Variants in TLR9 observed in about 807,000 individuals in gnomAD.
TLR9 encodes the protein toll-like receptor 9.
In TLR9, 19 loss-of-function variants were observed where a neutral mutation model predicts 24.6. That is an observed-to-expected ratio of 0.77 (90% CI 0.54 to 1.13). The LOEUF (loss-of-function observed/expected upper bound fraction) is 1.13. TLR9 is among the 50% of genes most tolerant of loss of function. The pLI is 0.00. For missense variants in TLR9, 1,065 were observed against 1,379.6 expected, an observed-to-expected ratio of 0.77 and a Z score of 3.61; for synonymous variants, 579 against 609.8, an observed-to-expected ratio of 0.95 and a Z score of 0.74.
chr3:52,222,198 C>G lies in TLR9; in HGVS notation c.2118G>C (p.Leu706=), dbSNP rs1400646599. Residue 706 remains leucine, a synonymous_variant, in exon 2 of 2, where the codon CTG becomes CTC. Transcript: ENST00000360658. ...SLPAGTRLRR[L]DVSCNSISFV... is the part of the protein sequence containing the mutation. ...AGCTGATGCTGTTGCAGCTGACATC[C>G]AGCCTCCGGAGCCGGGTGCCAGCAG... is the stretch of plus-strand genomic sequence containing the variant. 1.2e-6 allele frequency: 2 copies of G among 1,614,082 alleles called. No individual in the cohort carries two copies. The highest frequency in any genetic ancestry group is 3.3e-5 in the Admixed American group (2 of 60,024).
chr3:52,225,338 C>T (rs559700624), intron 1 of TLR9, among the ~76,000 whole-genome samples, 189 bp downstream of exon 1: 7 of 148,516 alleles, frequency 4.7e-5, no homozygotes, highest in South Asian at 2.1e-4. Flanking sequence ...AGCGAAACTC[C>T]GTCTCAAAAA....
rs547368009 is a variant in TLR9, at chr3:52,222,974, G to A, written c.1342C>T (p.Leu448=). 4 of 1,595,120 alleles carry A rather than the reference G, an allele frequency of 2.5e-6. No homozygotes were observed. The South Asian group carries it at 4.5e-5, about 18-fold the overall frequency. Residue 448 remains leucine (L), a synonymous_variant, in exon 2 of 2, where the codon CTG becomes TTG. Coordinates refer to ENST00000360658, the MANE Select transcript of TLR9 (RefSeq NM_017442.4). ...GCCGGAGCAAGGTCCCCAGGCTGCA[G>A]CCAGACCTTCTCCCCTCCATCTGCC... ...GEADGGEKVW[L]QPGDLAPAPV...
At chr3:52,224,911 A>G (rs957487204) in intron 1 of TLR9, among the ~76,000 whole-genome samples, 1 of 152,202 alleles carries the variant, frequency 6.6e-6, no homozygotes, top group Non-Finnish European at 1.5e-5. Context: ...AGATGGAGAG[A>G]GGGGTGGCCT....
In TLR9 at chr3:52,223,857, G is replaced by A. The variant is rs150111769; in HGVS notation, c.459C>T (p.Thr153=). The change falls in exon 2 of 2, where the codon ACC becomes ACT. Residue 153 remains threonine (T), a synonymous_variant. Coordinates refer to ENST00000360658, the MANE Select transcript of TLR9 (RefSeq NM_017442.4). ...KSLISLSLSH[T]NILMLDSASL... ...TGGCAGAGTCTAGCATCAGGATGTT[G>A]GTATGGCTGAGGGACAGGGATATGA... 74 of 1,612,400 alleles carry A rather than the reference G, an allele frequency of 4.6e-5. No individual in the cohort carries two copies. Among genetic ancestry groups the A allele is most frequent in the Non-Finnish European group, 6.2e-5 (73 of 1,179,120 alleles).
Position 52,221,714 on chromosome 3 carries a change from G to C in TLR9, c.2602C>G (p.Leu868Val). The part of the protein sequence containing the change: ...GRQSGRDEDA[L>V]PYDAFVVFDK... ...AAGACCACGAAGGCATCGTAGGGCA[G>C]GGCATCCTCATCTCGCCCACTTTGC... Residue 868 changes from leucine (L) to valine (V), a missense_variant, in exon 2 of 2, where the codon CTG (leucine) becomes GTG (valine). Coordinates refer to ENST00000360658, the MANE Select transcript of TLR9 (RefSeq NM_017442.4). The surrounding 1 kb of genome is among the most constrained non-coding windows in gnomAD (Gnocchi z 9.9). The C allele has an allele frequency of 6.2e-7, 1 of 1,613,998 alleles. No individual in the cohort carries two copies. Among genetic ancestry groups the C allele is most frequent in the Non-Finnish European group, 8.5e-7 (1 of 1,180,034 alleles).
chr3:52,222,431 C>G lies in TLR9; in HGVS notation c.1885G>C (p.Gly629Arg). The G allele has an allele frequency of 6.2e-7, 1 of 1,614,180 alleles. No homozygotes were observed. Reference protein sequence around the residue: ...LYLHFFQGLSGLIWLDLSQNR... With the variant: ...LYLHFFQGLSRLIWLDLSQNR... ...TGGGACAAGTCCAGCCAGATCAAAC[C>G]GCTCAGGCCTTGGAAGAAGTGCAGA... is the stretch of plus-strand genomic sequence containing the variant. Residue 629 changes from glycine (G) to arginine (R), a missense_variant, in exon 2 of 2, where the codon GGT (glycine) becomes CGT (arginine). Transcript: ENST00000360658.
chr3:52,225,586 A>G lies in TLR9; in HGVS notation c.-57T>C, dbSNP rs964567560. The stretch of plus-strand genomic sequence containing the variant: ...GGCGGGCAGACTGGACAGCAGCTAC[A>G]GGGAAGGATGCTTCACACTCGAGGT... On this transcript the variant is annotated 5_prime_UTR_variant, in exon 1 of 2. Coordinates refer to ENST00000360658, the MANE Select transcript of TLR9 (RefSeq NM_017442.4). 1.3e-6 allele frequency: 2 copies of G among 1,571,230 alleles called. No homozygotes were observed. Among genetic ancestry groups the G allele is most frequent in the Non-Finnish European group, 8.6e-7 (1 of 1,165,078 alleles).
chr3:52,225,003 C>T (rs1479714641), intron 1 of TLR9, among the ~76,000 whole-genome samples: 1 of 152,238 alleles, frequency 6.6e-6, no homozygotes, highest in Non-Finnish European at 1.5e-5. Flanking sequence ...TCCATCAGTG[C>T]CTCAGTCTCC....
In TLR9 at chr3:52,222,674, C is replaced by T; in HGVS notation, c.1642G>A (p.Glu548Lys). Reference protein sequence around the residue: ...EHSFTELPRLEALDLSYNSQP... With the variant: ...EHSFTELPRLKALDLSYNSQP... ...CTGTTGTAGCTGAGGTCCAGGGCCT[C>T]CAGTCGCGGTAGCTCCGTGAATGAG... The change falls in exon 2 of 2, where the codon GAG becomes AAG. Residue 548 changes from glutamate to lysine, a missense_variant. By Grantham distance (56) the Glu-to-Lys change is moderately conservative. Transcript: ENST00000360658. 6.2e-7 allele frequency: 1 copy of T among 1,613,448 alleles called. No individual in the cohort carries two copies. The highest frequency in any genetic ancestry group is 8.5e-7 in the Non-Finnish European group (1 of 1,179,498).
chr3:52,222,279 C>T lies in TLR9; in HGVS notation c.2037G>A (p.Leu679=). The stretch of plus-strand genomic sequence containing the variant: ...GGTTTCCTGCCAGGTCGAGGACTTC[C>T]AGTTTGGGCAGGAAGTGGAGGCTCC... The part of the protein sequence containing the change: ...KWWSLHFLPK[L]EVLDLAGNQL... Residue 679 remains leucine (L), a synonymous_variant, in exon 2 of 2, where the codon CTG becomes CTA. Transcript: ENST00000360658. 6.2e-7 allele frequency: 1 copy of T among 1,614,206 alleles called. No individual in the cohort carries two copies. Among genetic ancestry groups the T allele is most frequent in the Non-Finnish European group, 8.5e-7 (1 of 1,180,040 alleles).
Position 52,222,679 on chromosome 3 carries a change from C to T in TLR9, c.1637G>A (p.Arg546Gln), listed in dbSNP as rs17846009. The T allele has an allele frequency of 2.4e-5, 39 of 1,613,052 alleles. No homozygotes were observed. The highest frequency in any genetic ancestry group is 3.2e-5 in the Non-Finnish European group (38 of 1,179,294). ...YHEHSFTELPRLEALDLSYNS... is the reference protein window; with the variant it reads ...YHEHSFTELPQLEALDLSYNS... ...GTAGCTGAGGTCCAGGGCCTCCAGT[C>T]GCGGTAGCTCCGTGAATGAGTGCTC... The change falls in exon 2 of 2, where the codon CGA becomes CAA. Residue 546 changes from arginine to glutamine, a missense_variant. Arg to Gln is a conservative substitution (Grantham distance 43). Transcript: ENST00000360658.
chr3:52,222,908 A>C lies in TLR9; in HGVS notation c.1408T>G (p.Cys470Gly). 2 of 1,604,488 alleles carry C rather than the reference A, an allele frequency of 1.2e-6. No homozygotes were observed. Among genetic ancestry groups the C allele is most frequent in the Non-Finnish European group, 1.7e-6 (2 of 1,172,842 alleles). The change falls in exon 2 of 2, where the codon TGC becomes GGC. Residue 470 changes from cysteine (C) to glycine (G), a missense_variant. Coordinates refer to ENST00000360658, the MANE Select transcript of TLR9 (RefSeq NM_017442.4). ...TPSSEDFRPN[C>G]STLNFTLDLS... The stretch of plus-strand genomic sequence containing the variant: ...TCCAAGGTGAAGTTGAGGGTGCTGC[A>C]GTTGGGCCTGAAGTCTTCAGAGCTG...
chr3:52,224,935 C>T (rs1190352610), intron 1 of TLR9, among the ~76,000 whole-genome samples: 1 of 152,250 alleles, frequency 6.6e-6, no homozygotes, highest in Admixed American at 6.5e-5. Context: ...AAGTGCCAGA[C>T]AGAGCCAGCC....
chr3:52,221,286 G>A lies in TLR9; in HGVS notation c.3030C>T (p.Gly1010=), dbSNP rs761551624. The A allele has an allele frequency of 1.3e-6, 2 of 1,526,604 alleles. No individual in the cohort carries two copies. Among genetic ancestry groups the A allele is most frequent in the Non-Finnish European group, 1.8e-6 (2 of 1,138,024 alleles). The allele number at this position is 1,526,604 out of a possible 1,614,324, so 94.6% of individuals were successfully genotyped here. The change falls in exon 2 of 2, where the codon GGC becomes GGT. Residue 1010 remains glycine (G), a synonymous_variant. Coordinates refer to ENST00000360658, the MANE Select transcript of TLR9 (RefSeq NM_017442.4). The surrounding 1 kb of genome is among the most constrained non-coding windows in gnomAD (Gnocchi z 9.9). ...GGTGGTTGTCCCTGGTCAGGGCCATGCCCAGCTGGGCCCAGAAGCTGCGCT... is the reference window on the plus strand; with the variant it reads ...GGTGGTTGTCCCTGGTCAGGGCCATACCCAGCTGGGCCCAGAAGCTGCGCT... ...SGQRSFWAQL[G]MALTRDNHHF...
Position 52,222,441 on chromosome 3 carries a change from T to G in TLR9, c.1875A>C (p.Gln625His). 1 of 1,614,162 alleles carries G rather than the reference T, an allele frequency of 6.2e-7. No homozygotes were observed. Among genetic ancestry groups the G allele is most frequent in the Non-Finnish European group, 8.5e-7 (1 of 1,180,026 alleles). ...AEGDLYLHFF[Q>H]GLSGLIWLDL... Reference sequence around the variant, plus strand: ...CCAGCCAGATCAAACCGCTCAGGCCTTGGAAGAAGTGCAGATAGAGGTCTC... The same window carrying G: ...CCAGCCAGATCAAACCGCTCAGGCCGTGGAAGAAGTGCAGATAGAGGTCTC... The change falls in exon 2 of 2, where the codon CAA becomes CAC. Residue 625 changes from glutamine to histidine, a missense_variant. Transcript: ENST00000360658.
In TLR9 at chr3:52,221,248, C is replaced by T. The variant is rs762518214; in HGVS notation, c.3068G>A (p.Arg1023Gln). Reference sequence around the variant, plus strand: ...GGCCGTGGGTCCCTGGCAGAAGTTCCGGTTATAGAAGTGGTGGTTGTCCCT... The same window carrying T: ...GGCCGTGGGTCCCTGGCAGAAGTTCTGGTTATAGAAGTGGTGGTTGTCCCT... ...LTRDNHHFYN[R>Q]NFCQGPTAE is the part of the protein sequence containing the mutation. The change falls in exon 2 of 2, where the codon CGG (arginine) becomes CAG (glutamine). Residue 1023 changes from arginine to glutamine, a missense_variant. Physicochemically the swap from Arg to Gln is conservative, Grantham distance 43 (BLOSUM62 1). Coordinates refer to ENST00000360658, the MANE Select transcript of TLR9 (RefSeq NM_017442.4). The surrounding 1 kb of genome is among the most constrained non-coding windows in gnomAD (Gnocchi z 9.9). 17 of 1,513,928 alleles carry T rather than the reference C, an allele frequency of 1.1e-5. No homozygotes were observed. The highest frequency in any genetic ancestry group is 5.3e-5 in the South Asian group (4 of 75,018). 93.8% of individuals were successfully genotyped at this position (1,513,928 alleles called of 1,614,324 possible). A position where few individuals can be genotyped will look rare whatever the true frequency, so the allele number is the denominator to read the frequency against.
chr3:52,225,410 C>T, intron 1 of TLR9, 117 bp downstream of exon 1: 1 of 1,346,270 alleles, frequency 7.4e-7, no homozygotes, highest in South Asian at 1.2e-5. Context: ...AGTGAGTGTC[C>T]CCAGGGCCAT....
Position 52,223,757 on chromosome 3 carries a change from C to A in TLR9, c.559G>T (p.Ala187Ser). 1 of 1,568,746 alleles carries A rather than the reference C, an allele frequency of 6.4e-7. No individual in the cohort carries two copies. ...AGGGCACCCGGGGCCACCTCCAGTG[C>A]CTGCCTGCAGGGGTTCTTGTAATAA... ...NCYYKNPCRQALEVAPGALLG... is the reference protein window; with the variant it reads ...NCYYKNPCRQSLEVAPGALLG... The change falls in exon 2 of 2, where the codon GCA becomes TCA. Residue 187 changes from alanine (A) to serine (S), a missense_variant. Ala to Ser is a moderately conservative substitution (Grantham distance 99, BLOSUM62 1). Transcript: ENST00000360658.
rs754919914 is a variant in TLR9, at chr3:52,222,790, G to A, written c.1526C>T (p.Ser509Leu). Residue 509 changes from serine (S) to leucine (L), a missense_variant, in exon 2 of 2, where the codon TCG becomes TTG. Transcript: ENST00000360658. Reference protein sequence around the residue: ...QCLRLSHNCISQAVNGSQFLP... With the variant: ...QCLRLSHNCILQAVNGSQFLP... Reference sequence around the variant, plus strand: ...GAACTGGGAGCCATTGACTGCCTGCGAGATGCAGTTGTGGCTCAGGCGCAG... The same window carrying A: ...GAACTGGGAGCCATTGACTGCCTGCAAGATGCAGTTGTGGCTCAGGCGCAG... 12 of 1,613,956 alleles carry A rather than the reference G, an allele frequency of 7.4e-6. No individual in the cohort carries two copies. Among genetic ancestry groups the A allele is most frequent in the East Asian group, 2.2e-5 (1 of 44,904 alleles).
Sources: gnomAD v4.1 joint callset for allele counts (sites outside exome capture counted in the v4.1 genomes callset) on GRCh38, gnomAD v4.1.1 for gene constraint, Gnocchi (gnomAD v3.1) non-coding constraint, MANE v1.5 for transcripts, NCBI Gene and HGNC (gene_info 2026-07-23, HGNC 2026-07-21) for gene names.